The following MC2R variants were observed in gnomAD, a reference collection of about 807,000 sequenced individuals.
The protein encoded by MC2R is adrenocorticotropic hormone receptor.
In MC2R, 9 loss-of-function variants were observed where a neutral mutation model predicts 9.8. The ratio of observed to expected loss-of-function variants is 0.92; its 90% CI spans 0.55 to 1.60. The LOEUF is 1.60. Among genes scored for constraint, MC2R ranks in the 40% most tolerant of loss-of-function variants. The probability of loss-of-function intolerance (pLI) is 0.00; values close to 1 mark genes in which losing one functional copy is unlikely to be tolerated. For synonymous variants in MC2R, 185 were observed against 154.7 expected (o/e 1.20, Z -1.45); for missense variants, 370 against 389.0 (o/e 0.95, Z 0.41).
intron 1 of MC2R, among the ~76,000 whole-genome samples, chr18:13,887,019 C>T (rs1484962140): frequency 6.6e-6 from 1 of 152,232 alleles, no homozygotes; most frequent in African/African-American, 2.4e-5. Context: ...ACCTTGTTTG[C>T]CTGAAACATG....
At chr18:13,885,702 A>G in intron 1 of MC2R, 56 bp from the exon 2 acceptor site, 1 of 648,070 alleles carries the variant, frequency 1.5e-6, no homozygotes, top group Non-Finnish European at 2.7e-6. Context: ...AATAAAAACC[A>G]GCCACACTCG....
intron 1 of MC2R, among the ~76,000 whole-genome samples, chr18:13,892,405 T>A (rs931287063): frequency 2.0e-5 from 3 of 151,930 alleles, no homozygotes; most frequent in Admixed American, 1.3e-4. Flanking sequence ...TGGCTGCCCC[T>A]TTCCCTTGAG....
At chr18:13,887,844 C>T (rs952718442) in intron 1 of MC2R, among the ~76,000 whole-genome samples, 2 of 152,134 alleles carry the variant, frequency 1.3e-5, no homozygotes, top group African/African-American at 2.4e-5. Context: ...CCTGGGTCTC[C>T]AGCTTGCTGA....
rs139883463 is a variant in MC2R at position 13,885,117 on chromosome 18, G to A, written c.402C>T (p.His134=). 237 of 1,614,182 alleles carry A rather than the reference G, an allele frequency of 1.5e-4. No individual in the cohort carries two copies. Among genetic ancestry groups the A allele is most frequent in the Non-Finnish European group, 1.9e-4 (229 of 1,180,036 alleles). ...TCACGATGCTGTGGTACCGCAGTGCGTGGAAGATGGTGATGTAGCGGTCCG... is the reference window on the plus strand; with the variant it reads ...TCACGATGCTGTGGTACCGCAGTGCATGGAAGATGGTGATGTAGCGGTCCG... ...IAADRYITIF[H]ALRYHSIVTM... Residue 134 remains histidine (H), a synonymous_variant, in exon 2 of 2, where the codon CAC becomes CAT. Transcript: ENST00000327606.
intron 1 of MC2R, among the ~76,000 whole-genome samples, chr18:13,899,739 A>C (rs2045367642): frequency 6.6e-6 from 1 of 152,206 alleles, no homozygotes; most frequent in African/African-American, 2.4e-5. Flanking sequence ...CTTTTACCTG[A>C]GAATAGTATA....
chr18:13,894,658 A>G (rs968442413), intron 1 of MC2R, among the ~76,000 whole-genome samples: 5 of 152,320 alleles, frequency 3.3e-5, no homozygotes, highest in African/African-American at 9.6e-5. Context: ...GCTCTGTACA[A>G]TCTGTTTCCA....
intron 1 of MC2R, among the ~76,000 whole-genome samples, chr18:13,903,078 G>A (rs1237223780): frequency 1.3e-5 from 2 of 152,154 alleles, no homozygotes; most frequent in Non-Finnish European, 2.9e-5. Context: ...ATGGCAAACA[G>A]GCATATGAAA....
intron 1 of MC2R, among the ~76,000 whole-genome samples, chr18:13,898,235 G>T (rs149233947): frequency 3.9e-5 from 6 of 152,262 alleles, no homozygotes; most frequent in Admixed American, 3.9e-4. Flanking sequence ...TGGTAGGCTG[G>T]CAGTGTTCCC....
chr18:13,905,065 C>A (rs578241154), intron 1 of MC2R, among the ~76,000 whole-genome samples: 12 of 152,232 alleles, frequency 7.9e-5, no homozygotes, highest in African/African-American at 2.6e-4. Flanking sequence ...AGAGCTTCTG[C>A]ACAGCAAAAG....
intron 1 of MC2R, among the ~76,000 whole-genome samples, chr18:13,906,665 GACAA>G (rs1480222559): frequency 2.0e-5 from 3 of 152,154 alleles, no homozygotes; most frequent in African/African-American, 4.8e-5. Context: ...TGTGAGAGCT[GACAA>G]ACAAATTCAG....
intron 1 of MC2R, among the ~76,000 whole-genome samples, chr18:13,904,912 A>G (rs970006093): frequency 1.3e-5 from 2 of 152,210 alleles, no homozygotes; most frequent in African/African-American, 4.8e-5. Context: ...ACTTAAATGT[A>G]AAACCCAAAA....
chr18:13,886,515 T>C (rs189051717), intron 1 of MC2R, among the ~76,000 whole-genome samples: 33 of 152,324 alleles, frequency 2.2e-4, no homozygotes, highest in African/African-American at 7.5e-4. Flanking sequence ...CTGGGCTCGG[T>C]GGACTCGGGA....
chr18:13,908,706 T>TTTGTGTGTGTGTG (rs374040158), intron 1 of MC2R, among the ~76,000 whole-genome samples: 4,541 of 142,616 alleles, frequency 0.032, 168 homozygotes, highest in African/African-American at 0.081. Flanking sequence ...CAGGAGCTTC[T>TTTGTGTGTGTGTG]TGTGTGTGTG....
chr18:13,884,482 A>T lies in MC2R; in HGVS notation c.*143T>A. 1 of 897,050 alleles carries T rather than the reference A, an allele frequency of 1.1e-6. No individual in the cohort carries two copies. Among genetic ancestry groups the T allele is most frequent in the East Asian group, 2.4e-5 (1 of 40,908 alleles). 55.6% of individuals were successfully genotyped at this position (897,050 alleles called of 1,614,324 possible). ...ACTGTTCACATAGAACCTAGCTATT[A>T]GAAACACTAGCTGGTGGGATCATCC... On this transcript the variant is annotated 3_prime_UTR_variant, in exon 2 of 2. Transcript: ENST00000327606.
Position 13,885,310 on chromosome 18 carries a change from T to C in MC2R, c.209A>G (p.Asp70Gly), listed in dbSNP as rs1208996197. Residue 70 changes from aspartate (D) to glycine (G), a missense_variant, in exon 2 of 2, where the codon GAT (aspartate) becomes GGT (glycine). Transcript: ENST00000327606. ...GATCTTATATAGGCTGCCCAGCATA[T>C]CAGATATGGCCAAGCTACAGATGAA... ...YFFICSLAIS[D>G]MLGSLYKILE... is the part of the protein sequence containing the mutation. 2 of 1,614,036 alleles carry C rather than the reference T, an allele frequency of 1.2e-6. No individual in the cohort carries two copies. Among genetic ancestry groups the C allele is most frequent in the Admixed American group, 1.7e-5 (1 of 59,994 alleles).
intron 1 of MC2R, among the ~76,000 whole-genome samples, chr18:13,896,450 A>G (rs189658624): frequency 6.6e-6 from 1 of 152,350 alleles, no homozygotes; most frequent in Non-Finnish European, 1.5e-5. Context: ...TACAATGATT[A>G]AGCAAATAGT....
At position 13,884,359 on chromosome 18, in the gene MC2R, T is replaced by A; in HGVS notation, c.*266A>T. 3.9e-6 allele frequency: 2 copies of A among 516,902 alleles called. No individual in the cohort carries two copies. Among genetic ancestry groups the A allele is most frequent in the South Asian group, 4.5e-5 (2 of 44,778 alleles). The allele number at this position is 516,902 out of a possible 1,614,324, so 32.0% of individuals were successfully genotyped here. A position where few individuals can be genotyped will look rare whatever the true frequency, so the allele number is the denominator to read the frequency against. On this transcript the variant is annotated 3_prime_UTR_variant, in exon 2 of 2. Coordinates refer to ENST00000327606, the MANE Select transcript of MC2R (RefSeq NM_000529.2). ...TGAAAGTAATGGCAAAAACCTTAATTACTTTTGTACCTACCTAATACTTTG... is the reference window on the plus strand; with the variant it reads ...TGAAAGTAATGGCAAAAACCTTAATAACTTTTGTACCTACCTAATACTTTG...
intron 1 of MC2R, among the ~76,000 whole-genome samples, chr18:13,897,544 G>T (rs111487644): frequency 6.6e-6 from 1 of 152,092 alleles, no homozygotes; most frequent in East Asian, 1.9e-4. Flanking sequence ...GGTGGCTAAG[G>T]GAGTGCTGGC....
At chr18:13,900,739 G>T (rs187309970) in intron 1 of MC2R, among the ~76,000 whole-genome samples, 1 of 152,144 alleles carries the variant, frequency 6.6e-6, no homozygotes, top group Admixed American at 6.5e-5. Context: ...GTAGCACCTA[G>T]CTATATAAAG....
Sources: gnomAD v4.1 joint callset for allele counts (sites outside exome capture counted in the v4.1 genomes callset) on GRCh38, gnomAD v4.1.1 for gene constraint, MANE v1.5 for transcripts, NCBI Gene and HGNC (gene_info 2026-07-23, HGNC 2026-07-21) for gene names.